The following ZFAND6 variants were observed in gnomAD, a reference collection of about 807,000 sequenced individuals.
ZFAND6 encodes AN1-type zinc finger protein 6.
Under a neutral mutation model 24.5 loss-of-function variants are expected in ZFAND6, and 12 were observed. The ratio of observed to expected loss-of-function variants is 0.49; its 90% CI spans 0.31 to 0.79. The LOEUF is 0.79. Among genes scored for constraint, ZFAND6 ranks in the 30% least tolerant of loss-of-function variants. The probability of loss-of-function intolerance (pLI) is 0.04; values close to 1 mark genes in which losing one functional copy is unlikely to be tolerated. For missense variants in ZFAND6, 207 were observed against 245.9 expected, an observed-to-expected ratio of 0.84 and a Z score of 1.06; for synonymous variants, 92 against 81.5, an observed-to-expected ratio of 1.13 and a Z score of -0.69.
chr15:80,081,657 A>G (rs548869824), intron 1 of ZFAND6, among the ~76,000 whole-genome samples: 1 of 152,344 alleles, frequency 6.6e-6, no homozygotes, highest in Non-Finnish European at 1.5e-5. Flanking sequence ...GATTGGCTGA[A>G]ACTCAGCTAC....
At chr15:80,059,125 A>G (rs2141753372), upstream of ZFAND6, among the ~76,000 whole-genome samples, 1 of 152,366 alleles carries the variant, frequency 6.6e-6, no homozygotes, top group Non-Finnish European at 1.5e-5. Flanking sequence ...AGGGCAGAGA[A>G]CTGCTTTCCA....
chr15:80,065,255 G>T (rs1596172240), intron 1 of ZFAND6, among the ~76,000 whole-genome samples: 3 of 148,648 alleles, frequency 2.0e-5, no homozygotes, highest in African/African-American at 2.5e-5. Flanking sequence ...AAAAATTTTG[G>T]CCCCACTAAA....
intron 1 of ZFAND6, among the ~76,000 whole-genome samples, chr15:80,082,332 G>A (rs981764491): frequency 7.2e-5 from 11 of 152,118 alleles, no homozygotes; most frequent in African/African-American, 2.4e-4. Flanking sequence ...TGCCTATTTC[G>A]CAGATGATAA....
chr15:80,112,481 T>C (rs942305825), intron 2 of ZFAND6, among the ~76,000 whole-genome samples: 3 of 151,986 alleles, frequency 2.0e-5, no homozygotes, highest in Non-Finnish European at 2.9e-5. Context: ...CACTGCAACC[T>C]CCGCCTCTTG....
Position 80,120,333 on chromosome 15 carries a change from C to T in ZFAND6, c.-12C>T. 1 of 1,543,952 alleles carries T rather than the reference C, an allele frequency of 6.5e-7. No individual in the cohort carries two copies. Among genetic ancestry groups the T allele is most frequent in the South Asian group, 1.2e-5 (1 of 81,392 alleles). On this transcript the variant is annotated 5_prime_UTR_variant, in exon 3 of 7. Transcript: ENST00000261749. Reference sequence around the variant, plus strand: ...TAATTTTATGTAATTTTCAGGTGTGCAACTGAGGAACATGGCTCAAGAAAC... The same window carrying T: ...TAATTTTATGTAATTTTCAGGTGTGTAACTGAGGAACATGGCTCAAGAAAC...
At chr15:80,125,461 A>G (rs2040335733) in intron 5 of ZFAND6, among the ~76,000 whole-genome samples, 1 of 152,184 alleles carries the variant, frequency 6.6e-6, no homozygotes, top group Admixed American at 6.5e-5. Context: ...TTTTCTCTAC[A>G]TGTATTCTGC....
chr15:80,061,874 T>C (rs541607284), intron 1 of ZFAND6, among the ~76,000 whole-genome samples: 2 of 152,264 alleles, frequency 1.3e-5, no homozygotes, highest in South Asian at 2.1e-4. Flanking sequence ...TACTTAGAAA[T>C]AAGATGAATG....
At chr15:80,134,992 C>G (rs2040790788) in intron 6 of ZFAND6, among the ~76,000 whole-genome samples, 1 of 152,130 alleles carries the variant, frequency 6.6e-6, no homozygotes, top group African/African-American at 2.4e-5. Flanking sequence ...GCAGAAAAGT[C>G]AGAAATTACA....
chr15:80,114,318 C>T (rs1205142877), intron 2 of ZFAND6, among the ~76,000 whole-genome samples: 2 of 152,204 alleles, frequency 1.3e-5, no homozygotes, highest in African/African-American at 2.4e-5. Context: ...CGACCTGACT[C>T]CAAGCCCATT....
intron 2 of ZFAND6, among the ~76,000 whole-genome samples, chr15:80,106,464 C>A (rs1203629815): frequency 1.3e-5 from 2 of 152,096 alleles, no homozygotes; most frequent in African/African-American, 4.8e-5. Flanking sequence ...GACTCTATGG[C>A]CCACAAAGCC....
chr15:80,086,052 T>C (rs2037981727), intron 1 of ZFAND6, among the ~76,000 whole-genome samples: 1 of 152,206 alleles, frequency 6.6e-6, no homozygotes, highest in Non-Finnish European at 1.5e-5. Context: ...TTATTTGTTT[T>C]TGAGATGGAG....
intron 6 of ZFAND6, among the ~76,000 whole-genome samples, chr15:80,136,866 C>G (rs1466691943): frequency 1.3e-5 from 2 of 152,176 alleles, no homozygotes; most frequent in Non-Finnish European, 2.9e-5. Flanking sequence ...GAATTAAATT[C>G]CTTCCTCATT....
At chr15:80,065,001 C>CTTTTTTT (rs1567046368) in intron 1 of ZFAND6, among the ~76,000 whole-genome samples, 7 of 133,554 alleles carry the variant, frequency 5.2e-5, no homozygotes, top group Non-Finnish European at 4.8e-5. Context: ...TCTCTCTCCC[C>CTTTTTTT]CTTTTTTTTT....
In ZFAND6 at chr15:80,122,741, C is replaced by G. The variant is rs1450131121; in HGVS notation, c.305C>G (p.Ser102Cys). The G allele has an allele frequency of 3.7e-6, 6 of 1,613,528 alleles. No homozygotes were observed. The highest frequency in any genetic ancestry group is 1.3e-5 in the African/African-American group (1 of 74,884). Residue 102 changes from serine to cysteine, a missense_variant, in exon 5 of 7, where the codon TCT becomes TGT. Transcript: ENST00000261749. ...TCACTTTTATCAGAATCTGTAGCATCTTCTCAATTGGACAGTACATCTGTG... is the reference window on the plus strand; with the variant it reads ...TCACTTTTATCAGAATCTGTAGCATGTTCTCAATTGGACAGTACATCTGTG... ...NQSLLSESVA[S>C]SQLDSTSVDK... is the part of the protein sequence containing the mutation.
At chr15:80,088,498 G>A (rs1433392898) in intron 1 of ZFAND6, among the ~76,000 whole-genome samples, 1 of 152,120 alleles carries the variant, frequency 6.6e-6, no homozygotes, top group Non-Finnish European at 1.5e-5. Flanking sequence ...CCCGGGAGAC[G>A]GAGGTTGCAG....
chr15:80,059,635 C>G (rs2036210568), upstream of ZFAND6: 2 of 152,164 alleles, frequency 1.3e-5, no homozygotes, highest in Non-Finnish European at 2.9e-5. Context: ...GGCTCTCCTC[C>G]GCGGTCGCGT....
At chr15:80,133,301 T>C (rs2040701422) in intron 6 of ZFAND6, among the ~76,000 whole-genome samples, 1 of 151,986 alleles carries the variant, frequency 6.6e-6, no homozygotes, top group Admixed American at 6.6e-5. Flanking sequence ...CAAGCAATTC[T>C]CCTGCCCCAG....
intron 1 of ZFAND6, among the ~76,000 whole-genome samples, chr15:80,092,582 AG>A (rs1308463611): frequency 6.6e-6 from 1 of 152,042 alleles, no homozygotes; most frequent in African/African-American, 2.4e-5. Flanking sequence ...GGTAAGAGAG[AG>A]GGGGGAAAGT....
chr15:80,130,972 A>T, intron 5 of ZFAND6: 1 of 420,636 alleles, frequency 2.4e-6, no homozygotes, highest in Non-Finnish European at 4.2e-6. Context: ...ATATCATTAC[A>T]TATTCTAGAT....
Sources: gnomAD v4.1 joint callset for allele counts (sites outside exome capture counted in the v4.1 genomes callset) on GRCh38, gnomAD v4.1.1 for gene constraint, MANE v1.5 for transcripts, NCBI Gene and HGNC (gene_info 2026-07-23, HGNC 2026-07-21) for gene names.